FAM124B: variants seen among roughly 807,000 people sequenced by gnomAD.
FAM124B encodes protein FAM124B.
A neutral mutation model predicts 19.7 loss-of-function variants in FAM124B; 18 were observed. The ratio of observed to expected loss-of-function variants is 0.92; its 90% CI spans 0.63 to 1.36. The LOEUF (loss-of-function observed/expected upper bound fraction) is 1.36, where lower values mean the gene tolerates loss of function less well. Among genes scored for constraint, FAM124B ranks in the 40% most tolerant of loss-of-function variants. FAM124B has a pLI of 0.00. For missense variants in FAM124B, 540 were observed against 553.3 expected, an observed-to-expected ratio of 0.98 and a Z score of 0.24; for synonymous variants, 223 against 225.2, an observed-to-expected ratio of 0.99 and a Z score of 0.09.
chr2:224,382,739 G>A (rs964122214), intron 1 of FAM124B, among the ~76,000 whole-genome samples: 1 of 151,982 alleles, frequency 6.6e-6, no homozygotes, highest in African/African-American at 2.4e-5. Context: ...TTTCTTACCT[G>A]GAAGCCCAAA....
At position 224,379,066 on chromosome 2, in the gene FAM124B, A is replaced by G. The variant is rs72968568; in HGVS notation, c.*507T>C. On this transcript the variant is annotated 3_prime_UTR_variant, in exon 2 of 2. Coordinates refer to ENST00000409685, the MANE Select transcript of FAM124B (RefSeq NM_001122779.2). ...TTTTCACTCATTCCAGATACAAACA[A>G]CTTTAAAGACAAAATCACAAGGAGG... 0.049 allele frequency: 7,534 copies of G among 153,160 alleles called. 201 individuals carry two copies. The highest frequency in any genetic ancestry group is 0.058 in the Non-Finnish European group (3,969 of 68,648). The allele number at this position is 153,160 out of a possible 1,614,324, so 9.5% of individuals were successfully genotyped here.
chr2:224,384,581 T>C (rs1689772869), intron 1 of FAM124B, among the ~76,000 whole-genome samples: 1 of 152,354 alleles, frequency 6.6e-6, no homozygotes, highest in South Asian at 2.1e-4. Context: ...CCCGCCAGTC[T>C]GCCTGCTTCC....
At chr2:224,400,789 G>A (rs1690054642) in intron 1 of FAM124B, among the ~76,000 whole-genome samples, 1 of 152,138 alleles carries the variant, frequency 6.6e-6, no homozygotes, top group Non-Finnish European at 1.5e-5. Context: ...TGTCAGATGA[G>A]ATTTTATGAG....
chr2:224,379,741 C>T lies in FAM124B; in HGVS notation c.1200G>A (p.Leu400=), dbSNP rs1689681982. The part of the protein sequence containing the change: ...QPPFCLPASS[L]GVATSKNNSV... ...TGTTGTTTTTGGAGGTAGCCACCCCCAAGGAAGAGGCTGGCAAGCAGAATG... is the reference window on the plus strand; with the variant it reads ...TGTTGTTTTTGGAGGTAGCCACCCCTAAGGAAGAGGCTGGCAAGCAGAATG... The change falls in exon 2 of 2, where the codon TTG becomes TTA. Residue 400 remains leucine, a synonymous_variant. Transcript: ENST00000409685. 1 of 1,551,646 alleles carries T rather than the reference C, an allele frequency of 6.4e-7. No homozygotes were observed. The highest frequency in any genetic ancestry group is 8.7e-7 in the Non-Finnish European group (1 of 1,146,994).
chr2:224,397,106 A>G (rs866634741), intron 1 of FAM124B, among the ~76,000 whole-genome samples: 2 of 152,234 alleles, frequency 1.3e-5, no homozygotes, highest in Middle Eastern at 3.4e-3. Context: ...CCTCACCCAA[A>G]TTTCATATTG....
chr2:224,384,545 C>T (rs964468213), intron 1 of FAM124B, among the ~76,000 whole-genome samples: 7 of 152,198 alleles, frequency 4.6e-5, no homozygotes, highest in African/African-American at 9.6e-5. Context: ...CCCATGATGG[C>T]GTGGTTTCCG....
At chr2:224,389,678 T>G (rs1689850047) in intron 1 of FAM124B, among the ~76,000 whole-genome samples, 1 of 152,018 alleles carries the variant, frequency 6.6e-6, no homozygotes, top group Non-Finnish European at 1.5e-5. Flanking sequence ...GGATTGAGTC[T>G]GGGATGGGGA....
chr2:224,399,159 T>G (rs913668184), intron 1 of FAM124B, among the ~76,000 whole-genome samples: 1 of 152,232 alleles, frequency 6.6e-6, no homozygotes, highest in African/African-American at 2.4e-5. Context: ...TTGTTTAAAC[T>G]GTGGTTCCAT....
intron 1 of FAM124B, chr2:224,399,923 T>C (rs1336956297): frequency 6.6e-6 from 1 of 152,216 alleles, no homozygotes; most frequent in Non-Finnish European, 1.5e-5. Flanking sequence ...GGTGCCTTTA[T>C]TGTGCTAATG....
intron 1 of FAM124B, among the ~76,000 whole-genome samples, chr2:224,397,638 C>G (rs992931767): frequency 6.6e-6 from 1 of 152,156 alleles, no homozygotes; most frequent in Admixed American, 6.5e-5. Context: ...GTGATATGAA[C>G]AATAAGGTCT....
chr2:224,390,533 C>T (rs1308856298), intron 1 of FAM124B, among the ~76,000 whole-genome samples: 1 of 151,856 alleles, frequency 6.6e-6, no homozygotes, highest in Non-Finnish European at 1.5e-5. Context: ...CTGAAAATGC[C>T]GTGAGCTCAT....
intron 1 of FAM124B, among the ~76,000 whole-genome samples, chr2:224,385,137 T>C (rs1689782995): frequency 6.6e-6 from 1 of 152,210 alleles, no homozygotes; most frequent in African/African-American, 2.4e-5. Context: ...ATCTAAGTCC[T>C]TGGATGTGGC....
At chr2:224,397,855 T>C (rs1171394014) in intron 1 of FAM124B, among the ~76,000 whole-genome samples, 4 of 152,296 alleles carry the variant, frequency 2.6e-5, no homozygotes, top group South Asian at 2.1e-4. Flanking sequence ...TGGGGTGCTA[T>C]TTAAGGCATG....
rs768710692 is a variant in FAM124B, at chr2:224,379,787, T to A, written c.1154A>T (p.Asp385Val). 2.3e-5 allele frequency: 36 copies of A among 1,551,650 alleles called. No individual in the cohort carries two copies. The highest frequency in any genetic ancestry group is 3.0e-5 in the Non-Finnish European group (34 of 1,146,994). The part of the protein sequence containing the change: ...RQTYFGGFPR[D>V]LQTSQPPFCL... ...GAATGGTGGCTGGCTGGTCTGTAAA[T>A]CCCTTGGAAATCCGCCAAAATAAGT... Residue 385 changes from aspartate (D) to valine (V), a missense_variant, in exon 2 of 2, where the codon GAT becomes GTT. Coordinates refer to ENST00000409685, the MANE Select transcript of FAM124B (RefSeq NM_001122779.2).
At chr2:224,395,774 A>C (rs563199721) in intron 1 of FAM124B, among the ~76,000 whole-genome samples, 1 of 152,332 alleles carries the variant, frequency 6.6e-6, no homozygotes, top group African/African-American at 2.4e-5. Flanking sequence ...GAGAGGCATC[A>C]GACTGTCTGC....
intron 1 of FAM124B, among the ~76,000 whole-genome samples, chr2:224,385,505 C>G (rs1330860437): frequency 6.6e-6 from 1 of 152,188 alleles, no homozygotes; most frequent in African/African-American, 2.4e-5. Context: ...ATCTCAGGGG[C>G]ATCTAGGCCT....
rs779052893 is a variant in FAM124B at position 224,401,587 on chromosome 2, C to G, written c.182G>C (p.Arg61Pro). The G allele has an allele frequency of 4.3e-6, 7 of 1,614,150 alleles. No homozygotes were observed. The highest frequency in any genetic ancestry group is 5.9e-6 in the Non-Finnish European group (7 of 1,180,038). ...VKYCEKSHSK[R>P]SRFPGMSVLL... ...CACGGACATCCCTGGAAACCGGGACCGCTTGGAATGGGACTTTTCACAGTA... is the reference window on the plus strand; with the variant it reads ...CACGGACATCCCTGGAAACCGGGACGGCTTGGAATGGGACTTTTCACAGTA... Residue 61 changes from arginine to proline, a missense_variant, in exon 1 of 2, where the codon CGG becomes CCG. Physicochemically the swap from Arg to Pro is moderately radical, Grantham distance 103 (BLOSUM62 -2). Coordinates refer to ENST00000409685, the MANE Select transcript of FAM124B (RefSeq NM_001122779.2).
chr2:224,389,190 C>T lies in FAM124B; in HGVS notation c.733-8982G>A, dbSNP rs893920005. Among the ~76,000 whole-genome samples, 3 of 152,166 alleles carry T rather than the reference C, an allele frequency of 2.0e-5. No individual in the cohort carries two copies. In the South Asian group the frequency reaches 6.2e-4, roughly 32 times the overall value. ...CAAGTGATCCGCCTGCCTCGGCCTC[C>T]CAAAGTGCTGGGATTACAGGCATGA... On this transcript the variant is annotated intron_variant, in intron 1 of 1. Coordinates refer to ENST00000409685, the MANE Select transcript of FAM124B (RefSeq NM_001122779.2).
At chr2:224,388,378 A>G (rs1279464933) in intron 1 of FAM124B, among the ~76,000 whole-genome samples, 3 of 152,262 alleles carry the variant, frequency 2.0e-5, no homozygotes, top group Non-Finnish European at 2.9e-5. Flanking sequence ...CATACCGTGG[A>G]ATAGTAATCA....
Sources: gnomAD v4.1 joint callset for allele counts (sites outside exome capture counted in the v4.1 genomes callset) on GRCh38, gnomAD v4.1.1 for gene constraint, MANE v1.5 for transcripts, NCBI Gene and HGNC (gene_info 2026-07-23, HGNC 2026-07-21) for gene names.